G2E3: variants seen among roughly 807,000 people sequenced by gnomAD.
G2E3 encodes G2/M-phase specific E3 ubiquitin protein ligase, also known as G2/M phase-specific E3 ubiquitin-protein ligase.
A neutral mutation model predicts 92.8 loss-of-function variants in G2E3; 35 were observed. That is an observed-to-expected ratio of 0.38 (90% CI 0.29 to 0.50). The LOEUF is 0.50. Ranked by LOEUF, G2E3 falls within the 20% of genes least tolerant of loss-of-function variation. G2E3 has a pLI of 0.94. For missense variants in G2E3, 554 were observed against 823.8 expected, an observed-to-expected ratio of 0.67 and a Z score of 4.01; for synonymous variants, 242 against 272.4, an observed-to-expected ratio of 0.89 and a Z score of 1.10.
intron 7 of G2E3, chr14:30,598,277 T>C: frequency 7.3e-6 from 3 of 412,266 alleles, no homozygotes; most frequent in Non-Finnish European, 1.4e-5. Context: ...TCCCAGCTAC[T>C]TGGGAGGCTG....
At chr14:30,596,135 CGTGTGTGTGTGTGTGTGT>C (rs59672554) in intron 6 of G2E3, among the ~76,000 whole-genome samples, 1 of 127,188 alleles carries the variant, frequency 7.9e-6, no homozygotes, top group African/African-American at 3.0e-5. Context: ...GGTGGGTGTG[CGTGTGTGTGTGTGTGTGT>C]GTGTGTGTGT....
rs76227544 is a variant in G2E3, at chr14:30,591,776, G to A, written c.238-547G>A. On this transcript the variant is annotated intron_variant, in intron 4 of 14. Transcript: ENST00000206595. Reference sequence around the variant, plus strand: ...TAACTTAATTACATCTGCAAAGACCGTATTTCCAAGTAAGTTCACATTCAC... The same window carrying A: ...TAACTTAATTACATCTGCAAAGACCATATTTCCAAGTAAGTTCACATTCAC... Among the ~76,000 whole-genome samples the A allele has an allele frequency of 5.1e-3, 774 of 152,244 alleles. 3 individuals are homozygous for A. Among genetic ancestry groups the A allele is most frequent in the Non-Finnish European group, 7.3e-3 (494 of 68,002 alleles).
At chr14:30,575,320 T>C (rs1039298205) in intron 1 of G2E3, among the ~76,000 whole-genome samples, 1 of 152,176 alleles carries the variant, frequency 6.6e-6, no homozygotes, top group Non-Finnish European at 1.5e-5. Context: ...TTGATAAAAT[T>C]CAGCAGCCCT....
chr14:30,598,240 G>A (rs922985471), intron 7 of G2E3: 2 of 343,844 alleles, frequency 5.8e-6, no homozygotes, highest in Non-Finnish European at 1.1e-5. Flanking sequence ...ACAAAAACCA[G>A]CCGGGCATGG....
chr14:30,589,960 T>G (rs1373002861), intron 4 of G2E3, among the ~76,000 whole-genome samples: 2 of 152,136 alleles, frequency 1.3e-5, no homozygotes, highest in Non-Finnish European at 1.5e-5. Context: ...CTCCTGACCC[T>G]TCTCTAACAT....
intron 6 of G2E3, 82 bp from the exon 7 acceptor site, chr14:30,597,338 A>C: frequency 1.3e-6 from 1 of 771,660 alleles, no homozygotes; most frequent in Non-Finnish European, 2.3e-6. Flanking sequence ...ATTGTTAAAA[A>C]TAGCACATGT....
chr14:30,572,934 C>G (rs544826132), intron 1 of G2E3, among the ~76,000 whole-genome samples: 1 of 152,164 alleles, frequency 6.6e-6, no homozygotes, highest in African/African-American at 2.4e-5. Flanking sequence ...AGTACTCTTT[C>G]TACTATACCA....
intron 3 of G2E3, among the ~76,000 whole-genome samples, chr14:30,587,464 A>G (rs1326690172): frequency 6.6e-6 from 1 of 152,196 alleles, no homozygotes; most frequent in African/African-American, 2.4e-5. Flanking sequence ...CTATATAGTT[A>G]TCTGCTGCTT....
At chr14:30,594,030 TTAG>T (rs1881148516) in intron 6 of G2E3, among the ~76,000 whole-genome samples, 1 of 152,172 alleles carries the variant, frequency 6.6e-6, no homozygotes, top group South Asian at 2.1e-4. Context: ...TATTTAAACA[TTAG>T]TAGGCTTTTC....
At chr14:30,565,650 C>CTTT (rs537643569) in intron 1 of G2E3, among the ~76,000 whole-genome samples, 5 of 62,230 alleles carry the variant, frequency 8.0e-5, no homozygotes, top group Admixed American at 2.1e-4. Context: ...AACTTCATTC[C>CTTT]TTTTTTTTTT....
At chr14:30,608,857 C>T (rs779130199) in intron 12 of G2E3, among the ~76,000 whole-genome samples, 22 of 152,166 alleles carry the variant, frequency 1.4e-4, no homozygotes, top group Admixed American at 3.3e-4. Context: ...TGGCATGTGC[C>T]TGTAATCCCA....
intron 1 of G2E3, among the ~76,000 whole-genome samples, chr14:30,562,179 CA>C (rs966726169): frequency 6.6e-6 from 1 of 152,002 alleles, no homozygotes; most frequent in African/African-American, 2.4e-5. Context: ...GTGTGGGCGG[CA>C]AGCCACCCAG....
At chr14:30,563,255 TC>T (rs1263561142) in intron 1 of G2E3, among the ~76,000 whole-genome samples, 1 of 152,148 alleles carries the variant, frequency 6.6e-6, no homozygotes, top group Non-Finnish European at 1.5e-5. Flanking sequence ...CTTTTCTTTT[TC>T]CGTTTGATCA....
At chr14:30,611,003 G>A (rs901935147) in intron 12 of G2E3, among the ~76,000 whole-genome samples, 25 of 152,156 alleles carry the variant, frequency 1.6e-4, no homozygotes, top group African/African-American at 5.3e-4. Context: ...CTCTGTTTTC[G>A]AGATAGAGTT....
At chr14:30,562,886 G>C (rs147645477) in intron 1 of G2E3, among the ~76,000 whole-genome samples, 4,943 of 152,284 alleles carry the variant, frequency 0.032, 93 homozygotes, top group East Asian at 0.085. Flanking sequence ...GCAGGGAAGG[G>C]CCCCCTGTCC....
chr14:30,571,975 G>T (rs1376166268), intron 1 of G2E3, among the ~76,000 whole-genome samples: 1 of 150,468 alleles, frequency 6.6e-6, no homozygotes, highest in Admixed American at 6.6e-5. Flanking sequence ...GGGGATTTTG[G>T]TTGGGATTGT....
At chr14:30,583,468 TA>T (rs1285613962) in intron 2 of G2E3, among the ~76,000 whole-genome samples, 1 of 152,090 alleles carries the variant, frequency 6.6e-6, no homozygotes, top group Non-Finnish European at 1.5e-5. Flanking sequence ...GTGTGGAATA[TA>T]AAAAAGTCAA....
chr14:30,602,970 G>C (rs911983443), intron 10 of G2E3: 2 of 152,048 alleles, frequency 1.3e-5, no homozygotes, highest in African/African-American at 4.8e-5. Context: ...GAGTCTAAAT[G>C]TCAGCTCTTC....
intron 1 of G2E3, among the ~76,000 whole-genome samples, chr14:30,578,170 A>T (rs1880224719): frequency 6.6e-6 from 1 of 152,228 alleles, no homozygotes; most frequent in Non-Finnish European, 1.5e-5. Flanking sequence ...ATTTAGAAAC[A>T]AAAGTTATAC....
Sources: allele counts gnomAD v4.1 joint callset (sites outside exome capture counted in the v4.1 genomes callset), GRCh38; gene constraint gnomAD v4.1.1; transcripts MANE v1.5; gene names NCBI Gene and HGNC (gene_info 2026-07-23, HGNC 2026-07-21).